SDK2: variants seen among roughly 807,000 people sequenced by gnomAD.
SDK2 encodes sidekick cell adhesion molecule 2.
SDK2 carries 105 observed loss-of-function variants against 253.9 expected under a neutral mutation model. The ratio of observed to expected loss-of-function variants is 0.41; its 90% CI spans 0.35 to 0.49. The LOEUF is 0.49. Ranked by LOEUF, SDK2 falls within the 20% of genes least tolerant of loss-of-function variation. The probability of loss-of-function intolerance (pLI) is 0.06; values close to 1 mark genes in which losing one functional copy is unlikely to be tolerated. For synonymous variants in SDK2, 1,249 were observed against 1,234.9 expected, an observed-to-expected ratio of 1.01 and a Z score of -0.24; for missense variants, 2,608 against 3,003.0, an observed-to-expected ratio of 0.87 and a Z score of 3.07.
intron 40 of SDK2, among the ~76,000 whole-genome samples, chr17:73,356,945 A>G (rs1285599119): frequency 6.6e-6 from 1 of 152,168 alleles, no homozygotes; most frequent in Non-Finnish European, 1.5e-5. Flanking sequence ...TGGCACCCCA[A>G]CTGGCCAACT....
chr17:73,473,609 G>A (rs970795621), intron 2 of SDK2, among the ~76,000 whole-genome samples: 4 of 152,262 alleles, frequency 2.6e-5, no homozygotes, highest in South Asian at 2.1e-4. Context: ...ATCTGGCTAG[G>A]GCCTGTCATC....
At chr17:73,463,070 T>C (rs2063574621) in intron 3 of SDK2, among the ~76,000 whole-genome samples, 2 of 152,036 alleles carry the variant, frequency 1.3e-5, no homozygotes, top group South Asian at 4.2e-4. Flanking sequence ...GTGGAGACAA[T>C]GACGGTGATA....
chr17:73,368,324 C>T (rs2062703251), intron 37 of SDK2, 83 bp downstream of exon 37: 16 of 1,286,432 alleles, frequency 1.2e-5, no homozygotes, highest in Non-Finnish European at 1.5e-5. Context: ...CCATGCCTGC[C>T]AAGAGCCCGG....
At chr17:73,420,489 G>A (rs1316839476) in intron 15 of SDK2, among the ~76,000 whole-genome samples, 2 of 151,560 alleles carry the variant, frequency 1.3e-5, no homozygotes, top group Non-Finnish European at 2.9e-5. Context: ...TGCCACCAGG[G>A]CTGGCTAATT....
intron 2 of SDK2, among the ~76,000 whole-genome samples, chr17:73,475,719 C>T (rs968179682): frequency 2.6e-5 from 4 of 152,152 alleles, no homozygotes; most frequent in African/African-American, 7.2e-5. Flanking sequence ...AATAAAAGCA[C>T]GCGATAGCAA....
At chr17:73,439,722 C>T (rs2063399280) in intron 6 of SDK2, among the ~76,000 whole-genome samples, 1 of 152,190 alleles carries the variant, frequency 6.6e-6, no homozygotes. Context: ...GCCTATGCGC[C>T]TTCCGCTGGG....
At chr17:73,460,723 C>T (rs139227329) in intron 3 of SDK2, among the ~76,000 whole-genome samples, 168 of 152,276 alleles carry the variant, frequency 1.1e-3, no homozygotes, top group Middle Eastern at 3.4e-3. Context: ...CTTACAATAA[C>T]ATGACAATCT....
In SDK2 at chr17:73,350,360, G is replaced by C; in HGVS notation, c.5915C>G (p.Ser1972Cys). 6.2e-7 allele frequency: 1 copy of C among 1,613,752 alleles called. No individual in the cohort carries two copies. The highest frequency in any genetic ancestry group is 8.5e-7 in the Non-Finnish European group (1 of 1,179,788). Reference sequence around the variant, plus strand: ...CATCTCGCTGTGGCCTAGGGCTCCAGACTTGGCACTGTTCCCTGAAGTCGG... The same window carrying C: ...CATCTCGCTGTGGCCTAGGGCTCCACACTTGGCACTGTTCCCTGAAGTCGG... ...KKTDSGNSAK[S>C]GALGHSEMMS... The change falls in exon 43 of 45, where the codon TCT becomes TGT. Residue 1972 changes from serine (S) to cysteine (C), a missense_variant. Ser to Cys is a moderately radical substitution (Grantham distance 112). This residue lies in a region of SDK2 where 1,103 missense variants were observed against 1,143.9 expected (regional missense o/e 0.96). Coordinates refer to ENST00000392650, the MANE Select transcript of SDK2 (RefSeq NM_001144952.2).
At chr17:73,371,293 G>A (rs2062732805) in intron 36 of SDK2, among the ~76,000 whole-genome samples, 1 of 152,138 alleles carries the variant, frequency 6.6e-6, no homozygotes, top group South Asian at 2.1e-4. Context: ...AGAATGAATG[G>A]ATTCTCTTAG....
chr17:73,349,279 G>A (rs1282637141), intron 43 of SDK2, among the ~76,000 whole-genome samples: 2 of 152,210 alleles, frequency 1.3e-5, no homozygotes, highest in South Asian at 2.1e-4. Context: ...ATAAGAGCTC[G>A]GCTTTGGGAG....
rs1449016440 is a variant in SDK2, at chr17:73,643,352, G to A, written c.64+673C>T. 6.6e-6 allele frequency among the ~76,000 whole-genome samples: 1 copy of A among 152,142 alleles called. No individual in the cohort carries two copies. The highest frequency in any genetic ancestry group is 1.5e-5 in the Non-Finnish European group (1 of 68,006). ...AGGGGCGGGGATGCTGGGTGTGGGT[G>A]GATGGGTAGGAGGGGAGGCCTCAGA... On this transcript the variant is annotated intron_variant, in intron 1 of 44. Coordinates refer to ENST00000392650, the MANE Select transcript of SDK2 (RefSeq NM_001144952.2). The surrounding 1 kb of genome is among the most constrained non-coding windows in gnomAD (Gnocchi z 6.9).
At chr17:73,538,619 T>G (rs1321583838) in intron 1 of SDK2, among the ~76,000 whole-genome samples, 1 of 152,228 alleles carries the variant, frequency 6.6e-6, no homozygotes, top group East Asian at 1.9e-4. Flanking sequence ...GTCAAACAAC[T>G]TCTCGCCCAC....
intron 1 of SDK2, among the ~76,000 whole-genome samples, 183 bp from the exon 2 acceptor site, chr17:73,507,780 G>T (rs12941203): frequency 0.24 from 36,262 of 152,052 alleles, 4,526 homozygotes; most frequent in East Asian, 0.31. Flanking sequence ...GTCTTCAGCG[G>T]GAGTCACCGA....
intron 1 of SDK2, among the ~76,000 whole-genome samples, chr17:73,599,492 G>A (rs1036079007): frequency 7.3e-5 from 11 of 151,690 alleles, no homozygotes; most frequent in African/African-American, 1.7e-4. Flanking sequence ...CTGAGATAGC[G>A]GCACTGCACT....
chr17:73,390,180 C>A, intron 29 of SDK2, 107 bp downstream of exon 29: 4 of 965,308 alleles, frequency 4.1e-6, no homozygotes, highest in Non-Finnish European at 5.9e-6. Context: ...CCATTCTCAT[C>A]CAGGGCACTG....
chr17:73,398,009 C>T lies in SDK2; in HGVS notation c.3354+26G>A, dbSNP rs2062985945. The T allele has an allele frequency of 3.1e-6, 5 of 1,605,320 alleles. No homozygotes were observed. The East Asian group carries it at 1.1e-4, about 36-fold the overall frequency. On this transcript the variant is annotated intron_variant, in intron 24 of 44. Coordinates refer to ENST00000392650, the MANE Select transcript of SDK2 (RefSeq NM_001144952.2). ...TGACCAGAAGCTCATGGAGAGGTCC[C>T]ACCCCTGCCCTCGAGGGAGCCTTAC... is the stretch of plus-strand genomic sequence containing the variant.
rs2062823695 is a variant in SDK2, at chr17:73,380,815, A to G, written c.4762+79T>C. On this transcript the variant is annotated intron_variant, in intron 34 of 44. Coordinates refer to ENST00000392650, the MANE Select transcript of SDK2 (RefSeq NM_001144952.2). ...GGGCACACCCCCTCAACCTGTGATC[A>G]GGTCTCTCAAGGAGGCCCCACTCCC... 7 of 1,269,262 alleles carry G rather than the reference A, an allele frequency of 5.5e-6. No individual in the cohort carries two copies. In the Admixed American group the frequency reaches 7.9e-5, roughly 14 times the overall value. 78.6% of individuals were successfully genotyped at this position (1,269,262 alleles called of 1,614,324 possible). A position where few individuals can be genotyped will look rare whatever the true frequency, so the allele number is the denominator to read the frequency against.
At chr17:73,563,082 G>C (rs542560615) in intron 1 of SDK2, among the ~76,000 whole-genome samples, 1 of 152,214 alleles carries the variant, frequency 6.6e-6, no homozygotes, top group Non-Finnish European at 1.5e-5. Flanking sequence ...CCTGGTCCTC[G>C]GGCCATTGCT....
chr17:73,340,784 T>A (rs918378446), intron 44 of SDK2, among the ~76,000 whole-genome samples: 2 of 141,766 alleles, frequency 1.4e-5, no homozygotes, highest in Admixed American at 1.4e-4. Flanking sequence ...GCTCTTGTCG[T>A]CCAGGCTTGA....
Sources: gnomAD v4.1 joint callset for allele counts (sites outside exome capture counted in the v4.1 genomes callset) on GRCh38, gnomAD v4.1.1 for gene constraint, gnomAD v4.1.1 regional missense constraint, Gnocchi (gnomAD v3.1) non-coding constraint, MANE v1.5 for transcripts, NCBI Gene and HGNC (gene_info 2026-07-23, HGNC 2026-07-21) for gene names.